The following SHISA9 variants were observed in gnomAD, a reference collection of about 807,000 sequenced individuals.
The protein encoded by SHISA9 is protein shisa-9.
In SHISA9, 13 loss-of-function variants were observed where a neutral mutation model predicts 38.0. The observed-to-expected ratio is 0.34, with a 90% CI of 0.22 to 0.54. The LOEUF (loss-of-function observed/expected upper bound fraction) is 0.54, where lower values mean the gene tolerates loss of function less well. SHISA9 is among the 20% of genes least tolerant of loss of function. The probability of loss-of-function intolerance (pLI) is 0.91; values close to 1 mark genes in which losing one functional copy is unlikely to be tolerated. For missense variants in SHISA9, 538 were observed against 575.8 expected, an observed-to-expected ratio of 0.93 and a Z score of 0.67; for synonymous variants, 275 against 242.0, an observed-to-expected ratio of 1.14 and a Z score of -1.27.
At chr16:12,960,408 G>A (rs11647885) in intron 2 of SHISA9, among the ~76,000 whole-genome samples, 29,306 of 152,022 alleles carry the variant, frequency 0.19, 3,473 homozygotes, top group Middle Eastern at 0.35. Flanking sequence ...CAGCAATCCC[G>A]TTAGTGGATA....
At chr16:13,065,641 G>C (rs1344124696) in intron 2 of SHISA9, among the ~76,000 whole-genome samples, 1 of 152,234 alleles carries the variant, frequency 6.6e-6, no homozygotes, top group Admixed American at 6.5e-5. Flanking sequence ...TGCTAAGGAA[G>C]GGTTCGAAGG....
chr16:13,415,767 C>T, the SHISA9 span, among the ~76,000 whole-genome samples: 1 of 150,954 alleles, frequency 6.6e-6, no homozygotes, highest in Non-Finnish European at 1.5e-5. Flanking sequence ...ATATACAAAT[C>T]TAAAGATTTG....
At chr16:12,932,807 G>A (rs1199495766) in intron 2 of SHISA9, among the ~76,000 whole-genome samples, 4 of 152,188 alleles carry the variant, frequency 2.6e-5, no homozygotes, top group Non-Finnish European at 5.9e-5. Flanking sequence ...ATGACATGTC[G>A]TGGCTCCCTG....
the SHISA9 span, among the ~76,000 whole-genome samples, chr16:13,497,680 G>A: frequency 2.6e-5 from 3 of 115,916 alleles, no homozygotes; most frequent in African/African-American, 3.5e-5. Flanking sequence ...GTGACACTCC[G>A]TCTCCAAAAA....
the SHISA9 span, among the ~76,000 whole-genome samples, chr16:13,292,213 T>A: frequency 1.3e-5 from 2 of 152,002 alleles, no homozygotes; most frequent in Admixed American, 1.3e-4. Flanking sequence ...TTGCTGTGAC[T>A]GACAAGAGTC....
At chr16:13,534,558 C>T in the SHISA9 span, among the ~76,000 whole-genome samples, 2 of 152,128 alleles carry the variant, frequency 1.3e-5, no homozygotes, top group Non-Finnish European at 2.9e-5. Flanking sequence ...TGGCTAATAA[C>T]TTCCAAGTTG....
chr16:13,352,477 C>G, the SHISA9 span, among the ~76,000 whole-genome samples: 1 of 151,928 alleles, frequency 6.6e-6, no homozygotes, highest in Admixed American at 6.6e-5. Context: ...GAGATGGGAG[C>G]GTAGCTATAT....
intron 2 of SHISA9, among the ~76,000 whole-genome samples, chr16:12,970,454 T>TAC (rs1567357281): frequency 2.3e-4 from 16 of 69,184 alleles, no homozygotes; most frequent in African/African-American, 8.8e-4. Context: ...CATATATATA[T>TAC]ACATATATGT....
At chr16:13,393,450 C>G in the SHISA9 span, among the ~76,000 whole-genome samples, 1 of 152,194 alleles carries the variant, frequency 6.6e-6, no homozygotes, top group Non-Finnish European at 1.5e-5. Flanking sequence ...GTCTGATCCA[C>G]TGATGTCACC....
the SHISA9 span, among the ~76,000 whole-genome samples, chr16:13,346,885 GTTC>G: frequency 6.6e-6 from 1 of 152,236 alleles, no homozygotes; most frequent in Non-Finnish European, 1.5e-5. Flanking sequence ...GCGTGTGCAT[GTTC>G]TTAATTTGCA....
In SHISA9 at chr16:13,221,678, A is replaced by G. The variant is rs372674166; in HGVS notation, c.895+8378A>G. On this transcript the variant is annotated intron_variant, in intron 4 of 4. Transcript: ENST00000558583. The stretch of plus-strand genomic sequence containing the variant: ...TTCACCCATTTAAAGTGTAAAATCC[A>G]GTGGTTTTCAGAATGTTCACAGAAT... 1.1e-4 allele frequency among the ~76,000 whole-genome samples: 16 copies of G among 152,310 alleles called. No individual in the cohort carries two copies. In the East Asian group the frequency reaches 2.7e-3, roughly 26 times the overall value.
chr16:13,481,867 C>T, the SHISA9 span, among the ~76,000 whole-genome samples: 1 of 152,216 alleles, frequency 6.6e-6, no homozygotes, highest in African/African-American at 2.4e-5. Flanking sequence ...AAATGAATCA[C>T]AAGATGGTAG....
the SHISA9 span, among the ~76,000 whole-genome samples, chr16:13,299,684 G>T: frequency 6.7e-6 from 1 of 149,076 alleles, no homozygotes; most frequent in Non-Finnish European, 1.5e-5. Flanking sequence ...CTGCACTTTA[G>T]CCTGGGCGAC....
chr16:12,914,279 C>G (rs962229412), intron 1 of SHISA9, among the ~76,000 whole-genome samples: 1 of 151,894 alleles, frequency 6.6e-6, no homozygotes, highest in Admixed American at 6.6e-5. Context: ...CTCCTGACCT[C>G]GTGATCTGCC....
the SHISA9 span, among the ~76,000 whole-genome samples, chr16:13,465,474 C>A: frequency 6.6e-6 from 1 of 152,144 alleles, no homozygotes; most frequent in Non-Finnish European, 1.5e-5. Flanking sequence ...TCACCTTAAG[C>A]CAGGTTGACT....
chr16:13,285,472 T>TC, the SHISA9 span, among the ~76,000 whole-genome samples: 1 of 149,086 alleles, frequency 6.7e-6, no homozygotes, highest in South Asian at 2.1e-4. Flanking sequence ...GTTTTTTTTT[T>TC]TTTTTTTTTT....
intron 2 of SHISA9, among the ~76,000 whole-genome samples, chr16:13,189,703 G>A (rs577486187): frequency 6.6e-6 from 1 of 152,258 alleles, no homozygotes; most frequent in South Asian, 2.1e-4. Context: ...GTTAGTTTGG[G>A]GAAAACATAA....
chr16:13,148,168 G>A (rs1303069705), intron 2 of SHISA9, among the ~76,000 whole-genome samples: 5 of 151,980 alleles, frequency 3.3e-5, no homozygotes, highest in East Asian at 1.9e-4. Flanking sequence ...TGCCCTTCCC[G>A]TACTTCTGGT....
chr16:13,143,009 A>ATTTTATTTTATTTTATTTTATTT (rs1555465417), intron 2 of SHISA9, among the ~76,000 whole-genome samples: 58 of 150,748 alleles, frequency 3.8e-4, no homozygotes, highest in African/African-American at 1.4e-3. Flanking sequence ...ATTTTATTTT[A>ATTTTATTTTATTTTATTTTATTT]TTTTATTTTA....
Sources: gnomAD v4.1 joint callset for allele counts (sites outside exome capture counted in the v4.1 genomes callset) on GRCh38, gnomAD v4.1.1 for gene constraint, MANE v1.5 for transcripts, NCBI Gene and HGNC (gene_info 2026-07-23, HGNC 2026-07-21) for gene names.